Variants in COL6A6 observed in about 807,000 individuals in gnomAD.
COL6A6 encodes the protein collagen type VI alpha 6 chain.
A neutral mutation model predicts 208.6 loss-of-function variants in COL6A6; 183 were observed. The ratio of observed to expected loss-of-function variants is 0.88; its 90% CI spans 0.78 to 0.99. The LOEUF is 0.99. COL6A6 is among the 50% of genes least tolerant of loss of function. The pLI is 0.00. For missense variants in COL6A6, 2,816 were observed against 2,815.2 expected (o/e 1.00, Z -0.01); for synonymous variants, 973 against 1,011.8 (o/e 0.96, Z 0.73).
chr3:130,617,159 G>T (rs538650590), intron 23 of COL6A6, among the ~76,000 whole-genome samples: 1 of 152,250 alleles, frequency 6.6e-6, no homozygotes, highest in East Asian at 1.9e-4. Context: ...TGGTCCATTA[G>T]CCATTCCTTT....
At chr3:130,655,399 A>C (rs1474541282) in intron 33 of COL6A6, among the ~76,000 whole-genome samples, 3 of 152,230 alleles carry the variant, frequency 2.0e-5, no homozygotes, top group Non-Finnish European at 4.4e-5. Context: ...TGACCCAGTC[A>C]GACATCTGAG....
intron 28 of COL6A6, among the ~76,000 whole-genome samples, chr3:130,638,172 C>T (rs1230883963): frequency 6.6e-6 from 1 of 152,032 alleles, no homozygotes. Context: ...TCACTCACTC[C>T]CATTTCCTTC....
chr3:130,563,022 A>C (rs758082859), intron 2 of COL6A6, 46 bp from the exon 3 acceptor site: 4 of 1,434,814 alleles, frequency 2.8e-6, no homozygotes, highest in Non-Finnish European at 3.8e-6. Context: ...TATGGCAGTA[A>C]ATTTTTTAAA....
rs373427912 is a variant in COL6A6 at position 130,581,718 on chromosome 3, T to G, written c.3705T>G (p.Thr1235=). 1.5e-5 allele frequency: 24 copies of G among 1,613,836 alleles called. No homozygotes were observed. In the African/African-American group the frequency reaches 3.2e-4, roughly 22 times the overall value. ...NGVSCEVGTE[T]QVSVAFQVTN... is the part of the protein sequence containing the mutation. ...TAAGCTGTGAGGTGGGCACAGAGAC[T>G]CAGGTCAGTGTGGCTTTTCAAGTGA... The change falls in exon 9 of 37, where the codon ACT becomes ACG. Residue 1235 remains threonine, a synonymous_variant. Coordinates refer to ENST00000358511, the MANE Select transcript of COL6A6 (RefSeq NM_001102608.3).
chr3:130,575,660 T>C (rs985234212), intron 8 of COL6A6, among the ~76,000 whole-genome samples: 1 of 152,214 alleles, frequency 6.6e-6, no homozygotes, highest in African/African-American at 2.4e-5. Context: ...CTCCTCCATC[T>C]TACTAACCAT....
At chr3:130,661,264 T>C (rs867542753) in intron 34 of COL6A6, among the ~76,000 whole-genome samples, 1 of 152,212 alleles carries the variant, frequency 6.6e-6, no homozygotes, top group South Asian at 2.1e-4. Flanking sequence ...AGTGATAATA[T>C]TGTCAATCTA....
At chr3:130,575,382 T>C (rs1462658277) in intron 8 of COL6A6, among the ~76,000 whole-genome samples, 1 of 152,210 alleles carries the variant, frequency 6.6e-6, no homozygotes, top group Non-Finnish European at 1.5e-5. Context: ...GAGATATAAT[T>C]ATAAAGTGCC....
chr3:130,602,534 G>A (rs909677115), intron 20 of COL6A6, among the ~76,000 whole-genome samples: 7 of 152,146 alleles, frequency 4.6e-5, no homozygotes, highest in African/African-American at 1.7e-4. Flanking sequence ...TCTCAAAGAA[G>A]TGAAGATAAC....
chr3:130,548,980 G>T (rs915442319), intron 1 of COL6A6, among the ~76,000 whole-genome samples: 1 of 152,252 alleles, frequency 6.6e-6, no homozygotes, highest in African/African-American at 2.4e-5. Context: ...AGGATGGCAC[G>T]ATGACCTCCA....
intron 8 of COL6A6, among the ~76,000 whole-genome samples, chr3:130,579,163 T>C (rs548607546): frequency 2.5e-4 from 38 of 152,334 alleles, no homozygotes; most frequent in Middle Eastern, 6.8e-3. Context: ...AAATGTACCC[T>C]AGCCTCTTGA....
At chr3:130,643,050 C>T in intron 31 of COL6A6, 27 bp downstream of exon 31, 1 of 1,608,064 alleles carries the variant, frequency 6.2e-7, no homozygotes, top group Admixed American at 1.7e-5. Flanking sequence ...AAATGATCAC[C>T]CAAGTTGTCA....
intron 8 of COL6A6, among the ~76,000 whole-genome samples, chr3:130,579,420 G>A (rs535036413): frequency 1.3e-5 from 2 of 152,246 alleles, no homozygotes; most frequent in South Asian, 2.1e-4. Flanking sequence ...GGCAGTAACA[G>A]AATGGTGACC....
intron 23 of COL6A6, among the ~76,000 whole-genome samples, chr3:130,613,724 C>T (rs1377763717): frequency 6.6e-6 from 1 of 152,130 alleles, no homozygotes; most frequent in African/African-American, 2.4e-5. Context: ...AGATTGTTCA[C>T]CTTCCTGGTT....
intron 1 of COL6A6, among the ~76,000 whole-genome samples, chr3:130,545,753 G>A (rs759931621): frequency 9.2e-5 from 14 of 152,140 alleles, no homozygotes; most frequent in Non-Finnish European, 1.8e-4. Context: ...CACTGTGCCC[G>A]GACAGGCTTT....
intron 33 of COL6A6, among the ~76,000 whole-genome samples, chr3:130,652,104 T>A (rs1051402534): frequency 6.6e-6 from 1 of 152,222 alleles, no homozygotes; most frequent in Non-Finnish European, 1.5e-5. Flanking sequence ...TTTTTCCTAA[T>A]TTATGATGTG....
Position 130,662,146 on chromosome 3 carries a change from G to T in COL6A6, c.6340G>T (p.Ala2114Ser), listed in dbSNP as rs201546062. ...ESLRAKCQGY[A>S]LFVFSLGPIW... ...CTTGCGAGCCAAATGTCAGGGATAT[G>T]CCTTATTTGTGTTTTCCCTTGGCCC... The change falls in exon 35 of 37, where the codon GCC (alanine) becomes TCC (serine). Residue 2114 changes from alanine to serine, a missense_variant. Transcript: ENST00000358511. The T allele has an allele frequency of 2.1e-4, 338 of 1,613,910 alleles. No homozygotes were observed. Among genetic ancestry groups the T allele is most frequent in the Non-Finnish European group, 2.8e-4 (326 of 1,179,888 alleles).
At chr3:130,521,457 G>A (rs934300489) in intron 1 of COL6A6, among the ~76,000 whole-genome samples, 2 of 152,194 alleles carry the variant, frequency 1.3e-5, no homozygotes. Flanking sequence ...GCCAGCATGT[G>A]TAGTTAACTT....
chr3:130,617,911 G>T (rs1330894002), intron 23 of COL6A6, among the ~76,000 whole-genome samples: 1 of 152,110 alleles, frequency 6.6e-6, no homozygotes, highest in Non-Finnish European at 1.5e-5. Context: ...TTCTGATAAG[G>T]TGCTAAGCAC....
intron 4 of COL6A6, 136 bp from the exon 5 acceptor site, chr3:130,566,566 G>A: frequency 1.5e-6 from 1 of 667,232 alleles, no homozygotes; most frequent in Non-Finnish European, 2.5e-6. Context: ...AGCTAACAAA[G>A]CATGTATTTT....
Sources: allele counts gnomAD v4.1 joint callset (sites outside exome capture counted in the v4.1 genomes callset), GRCh38; gene constraint gnomAD v4.1.1; transcripts MANE v1.5; gene names NCBI Gene and HGNC (gene_info 2026-07-23, HGNC 2026-07-21).